CCDC126: variants seen among roughly 807,000 people sequenced by gnomAD.
The protein encoded by CCDC126 is coiled-coil domain containing 126.
A neutral mutation model predicts 11.7 loss-of-function variants in CCDC126; 5 were observed. The observed-to-expected ratio is 0.43, with a 90% confidence interval of 0.22 to 0.90. The LOEUF (loss-of-function observed/expected upper bound fraction) is 0.90. CCDC126 is among the 40% of genes least tolerant of loss of function. The pLI is 0.27. For synonymous variants in CCDC126, 60 were observed against 61.9 expected (o/e 0.97, Z 0.14); for missense variants, 150 against 163.1 (o/e 0.92, Z 0.44).
At chr7:23,612,865 G>C (rs750913207) in intron 3 of CCDC126, among the ~76,000 whole-genome samples, 12 of 151,936 alleles carry the variant, frequency 7.9e-5, no homozygotes, top group Non-Finnish European at 1.8e-4. Context: ...CACATTACTG[G>C]GTCCTGTTGT....
chr7:23,611,334 AG>A lies in CCDC126; in HGVS notation c.20del (p.Arg7LysfsTer8). 2 of 1,611,812 alleles carry A rather than the reference AG, an allele frequency of 1.2e-6. No homozygotes were observed. The highest frequency in any genetic ancestry group is 1.7e-6 in the Non-Finnish European group (2 of 1,178,264). On this transcript the variant is annotated frameshift_variant, in exon 3 of 4. Coordinates refer to ENST00000307471, the MANE Select transcript of CCDC126 (RefSeq NM_138771.4). LOFTEE classifies it high-confidence loss of function. MFFTIS[R>X]KNMSQKLSLL... ...TTCAGAAATGTTTTTTACAATCTCA[AG>A]AAAAAATATGTCCCAGAAATTGAGT...
chr7:23,639,558 A>G (rs1164798821), intron 3 of CCDC126, among the ~76,000 whole-genome samples: 2 of 152,192 alleles, frequency 1.3e-5, no homozygotes, highest in African/African-American at 4.8e-5. Flanking sequence ...CATCTGAAAG[A>G]AGTATATATC....
chr7:23,628,420 C>T (rs552530823), intron 3 of CCDC126, among the ~76,000 whole-genome samples: 5 of 152,326 alleles, frequency 3.3e-5, no homozygotes, highest in Admixed American at 2.0e-4. Context: ...CCTGTTCTCT[C>T]TAGCCAAGAA....
At chr7:23,640,991 GGTT>G (rs1161067112) in intron 3 of CCDC126, among the ~76,000 whole-genome samples, 3 of 110,976 alleles carry the variant, frequency 2.7e-5, no homozygotes, top group African/African-American at 3.8e-5. Flanking sequence ...GAATCCTTTT[GGTT>G]TTTTTTTTTT....
intron 2 of CCDC126, chr7:23,602,155 G>A (rs1782556237): frequency 6.6e-6 from 1 of 152,088 alleles, no homozygotes; most frequent in Non-Finnish European, 1.5e-5. Context: ...ACTTTTCTCC[G>A]AAGATCTTGT....
At position 23,643,168 on chromosome 7, in the gene CCDC126, C is replaced by T. The variant is rs182773251; in HGVS notation, c.*53C>T. On this transcript the variant is annotated 3_prime_UTR_variant, in exon 4 of 4. Transcript: ENST00000307471. ...ATCCACTGTGGATTATATCCTATGG[C>T]AGAAAAGCTTTATAATTGCTGGCTT... 6 of 1,497,834 alleles carry T rather than the reference C, an allele frequency of 4.0e-6. No individual in the cohort carries two copies. The highest frequency in any genetic ancestry group is 4.7e-5 in the East Asian group (2 of 42,716). 92.8% of individuals were successfully genotyped at this position (1,497,834 alleles called of 1,614,324 possible). A position where few individuals can be genotyped will look rare whatever the true frequency, so the allele number is the denominator to read the frequency against.
chr7:23,621,920 A>G (rs537220088), intron 3 of CCDC126, among the ~76,000 whole-genome samples: 2 of 152,290 alleles, frequency 1.3e-5, no homozygotes, highest in African/African-American at 4.8e-5. Context: ...CTTGCATCCC[A>G]GGGATGAAGC....
chr7:23,640,946 A>C (rs774174236), intron 3 of CCDC126, among the ~76,000 whole-genome samples: 5 of 150,178 alleles, frequency 3.3e-5, no homozygotes, highest in African/African-American at 1.2e-4. Flanking sequence ...TAAACCTGAA[A>C]TGAACATTGG....
chr7:23,619,283 ACC>A, intron 3 of CCDC126: 1 of 237,384 alleles, frequency 4.2e-6, no homozygotes, highest in South Asian at 5.9e-5. Context: ...GCGCAGGTTT[ACC>A]TATGTAACAA....
At chr7:23,637,501 G>A (rs1783253685) in intron 3 of CCDC126, among the ~76,000 whole-genome samples, 1 of 83,258 alleles carries the variant, frequency 1.2e-5, no homozygotes, top group African/African-American at 4.8e-5. Context: ...CCCCCCGCCC[G>A]GCCAGCCGCC....
At chr7:23,623,838 A>G (rs1359757723) in intron 3 of CCDC126, among the ~76,000 whole-genome samples, 1 of 152,206 alleles carries the variant, frequency 6.6e-6, no homozygotes, top group Non-Finnish European at 1.5e-5. Flanking sequence ...TTCGTAACCC[A>G]TAAATTTATA....
intron 3 of CCDC126, among the ~76,000 whole-genome samples, chr7:23,617,311 G>A (rs1251949116): frequency 8.0e-6 from 1 of 125,346 alleles, no homozygotes. Context: ...TTGCACCACT[G>A]CTCTCTAATC....
intron 2 of CCDC126, among the ~76,000 whole-genome samples, chr7:23,608,127 C>T (rs1019779077): frequency 6.6e-6 from 1 of 152,190 alleles, no homozygotes; most frequent in South Asian, 2.1e-4. Flanking sequence ...AAAATTGTGG[C>T]GTTAGCATGA....
chr7:23,622,968 C>CTTTTTTTTTTTTTTTTTTTTTTTTTTTTT (rs1228157804), intron 3 of CCDC126: 1 of 91,572 alleles, frequency 1.1e-5, no homozygotes. Context: ...TATGCTCACT[C>CTTTTTTTTTTTTTTTTTTTTTTTTTTTTT]TTTTTTTTTT....
chr7:23,622,801 A>G (rs768425273), intron 3 of CCDC126: 231 of 463,364 alleles, frequency 5.0e-4, no homozygotes, highest in Non-Finnish European at 9.1e-4. Context: ...TGGTTGCCAG[A>G]TGATTACAGA....
chr7:23,615,198 A>G (rs915532422), intron 3 of CCDC126, among the ~76,000 whole-genome samples: 3 of 152,214 alleles, frequency 2.0e-5, no homozygotes, highest in African/African-American at 7.2e-5. Flanking sequence ...CAGGTTCTCC[A>G]TTAGCACTTG....
intron 3 of CCDC126, among the ~76,000 whole-genome samples, chr7:23,642,157 G>A (rs1378936124): frequency 2.0e-5 from 3 of 151,996 alleles, no homozygotes; most frequent in Non-Finnish European, 2.9e-5. Context: ...GACCACGGGC[G>A]CATGCCACCA....
chr7:23,602,485 C>T (rs1019276323), intron 2 of CCDC126, among the ~76,000 whole-genome samples: 1 of 152,140 alleles, frequency 6.6e-6, no homozygotes, highest in Admixed American at 6.5e-5. Context: ...TTTCTTAAGA[C>T]AGGGGAACAC....
intron 3 of CCDC126, among the ~76,000 whole-genome samples, chr7:23,617,465 T>C (rs1441353606): frequency 6.6e-6 from 1 of 151,940 alleles, no homozygotes; most frequent in African/African-American, 2.4e-5. Flanking sequence ...TCCAAATATA[T>C]CTGGTGATCC....
Sources: allele counts gnomAD v4.1 joint callset (sites outside exome capture counted in the v4.1 genomes callset), GRCh38; gene constraint gnomAD v4.1.1; transcripts MANE v1.5; gene names NCBI Gene and HGNC (gene_info 2026-07-23, HGNC 2026-07-21).